Variants in C12orf42 observed in about 807,000 individuals in gnomAD.
C12orf42 encodes uncharacterized protein C12orf42.
C12orf42 carries 25 observed loss-of-function variants against 21.6 expected under a neutral mutation model. The ratio of observed to expected loss-of-function variants is 1.16; its 90% CI spans 0.84 to 1.62. The LOEUF is 1.62. C12orf42 is among the 40% of genes most tolerant of loss of function. C12orf42 has a pLI of 0.00. For missense variants in C12orf42, 483 were observed against 459.3 expected, an observed-to-expected ratio of 1.05 and a Z score of -0.47; for synonymous variants, 174 against 175.0, an observed-to-expected ratio of 0.99 and a Z score of 0.05.
chr12:103,166,989 T>C, the C12orf42 span, among the ~76,000 whole-genome samples: 1 of 152,316 alleles, frequency 6.6e-6, no homozygotes, highest in South Asian at 2.1e-4. Context: ...ATATTTCTAG[T>C]CCTAAATTAA....
At chr12:103,126,883 C>A in the C12orf42 span, among the ~76,000 whole-genome samples, 1 of 151,970 alleles carries the variant, frequency 6.6e-6, no homozygotes, top group African/African-American at 2.4e-5. Context: ...GCTAGGTGCT[C>A]AATAATGGCA....
intron 2 of C12orf42, among the ~76,000 whole-genome samples, chr12:103,405,399 A>G (rs2048345332): frequency 6.6e-6 from 1 of 152,166 alleles, no homozygotes. Context: ...TTGTTTATCT[A>G]TGTGTGTGGA....
intron 4 of C12orf42, among the ~76,000 whole-genome samples, chr12:103,294,206 C>T (rs997815274): frequency 7.2e-5 from 11 of 151,782 alleles, no homozygotes; most frequent in African/African-American, 2.7e-4. Flanking sequence ...TTGCAGAGTA[C>T]CTAGGATGGT....
At chr12:103,237,834 G>A (rs2033522279) in exon 11 of C12orf42, 1 of 152,208 alleles carries the variant, frequency 6.6e-6, no homozygotes, top group Non-Finnish European at 1.5e-5. Context: ...GCCTCTTGAG[G>A]ACCAAGGTGG....
At chr12:103,202,649 C>T in the C12orf42 span, among the ~76,000 whole-genome samples, 1 of 152,170 alleles carries the variant, frequency 6.6e-6, no homozygotes, top group Non-Finnish European at 1.5e-5. Context: ...TACCGTTTTC[C>T]TGACTCCAAT....
At chr12:103,282,677 G>A (rs2036209479) in intron 4 of C12orf42, among the ~76,000 whole-genome samples, 1 of 152,120 alleles carries the variant, frequency 6.6e-6, no homozygotes, top group African/African-American at 2.4e-5. Flanking sequence ...CTGTTATTAT[G>A]GTGATTTGTA....
the C12orf42 span, among the ~76,000 whole-genome samples, chr12:103,171,135 G>T: frequency 1.3e-5 from 2 of 151,974 alleles, no homozygotes; most frequent in Non-Finnish European, 2.9e-5. Flanking sequence ...TATTTATTGA[G>T]ATTTCTGCTA....
intron 3 of C12orf42, among the ~76,000 whole-genome samples, chr12:103,394,671 G>A (rs1367058924): frequency 3.3e-5 from 5 of 152,162 alleles, no homozygotes; most frequent in Admixed American, 3.3e-4. Context: ...ATCAATAAGG[G>A]CTCCTGAAGA....
At chr12:103,451,410 G>A (rs1435392716) in intron 2 of C12orf42, among the ~76,000 whole-genome samples, 1 of 151,602 alleles carries the variant, frequency 6.6e-6, no homozygotes, top group Non-Finnish European at 1.5e-5. Flanking sequence ...AGACAGGTCT[G>A]TCTACGTTCC....
At position 103,358,190 on chromosome 12, in the gene C12orf42, T is replaced by C. The variant is rs1442852494; in HGVS notation, c.259+10697A>G. Among the ~76,000 whole-genome samples, 3 of 152,236 alleles carry C rather than the reference T, an allele frequency of 2.0e-5. No individual in the cohort carries two copies. In the East Asian group the frequency reaches 5.8e-4, roughly 29 times the overall value. Reference sequence around the variant, plus strand: ...CCTACTTATGTAATATGTTTTAATGTTTCATTAGCCAGAACAAGTCATGTG... The same window carrying C: ...CCTACTTATGTAATATGTTTTAATGCTTCATTAGCCAGAACAAGTCATGTG... On this transcript the variant is annotated intron_variant, in intron 4 of 5. Transcript: ENST00000548883.
rs150422371 is a variant in C12orf42 at position 103,425,307 on chromosome 12, G to A, written c.79-23632C>T. ...GCCTGCCAGCTCTAAAGAGAGCAGC[G>A]GATCTCCCAGCACAGTGCTTGAGCT... On this transcript the variant is annotated intron_variant, in intron 2 of 5. Transcript: ENST00000548883. Among the ~76,000 whole-genome samples the A allele has an allele frequency of 3.6e-3, 545 of 152,284 alleles. 7 individuals are homozygous for A. Among genetic ancestry groups the A allele is most frequent in the African/African-American group, 0.012 (508 of 41,560 alleles).
At chr12:103,193,054 C>T in the C12orf42 span, among the ~76,000 whole-genome samples, 1 of 151,882 alleles carries the variant, frequency 6.6e-6, no homozygotes. Context: ...CTTTCCCAAC[C>T]AAAATGGAAT....
intron 4 of C12orf42, among the ~76,000 whole-genome samples, chr12:103,343,282 C>T (rs2042314551): frequency 6.6e-6 from 1 of 151,768 alleles, no homozygotes; most frequent in African/African-American, 2.4e-5. Flanking sequence ...CTTTTTTGCC[C>T]TGATAAAAAT....
chr12:103,113,248 T>A, the C12orf42 span, among the ~76,000 whole-genome samples: 2 of 152,176 alleles, frequency 1.3e-5, no homozygotes, highest in African/African-American at 4.8e-5. Flanking sequence ...TACTGAGATA[T>A]GAGTGGTAGT....
the C12orf42 span, among the ~76,000 whole-genome samples, chr12:103,187,058 G>C: frequency 1.3e-5 from 2 of 152,126 alleles, no homozygotes; most frequent in African/African-American, 2.4e-5. Context: ...GAAGTCTCTA[G>C]TCAGGTTTTC....
At chr12:103,372,078 C>T (rs894313972) in intron 3 of C12orf42, among the ~76,000 whole-genome samples, 3 of 152,088 alleles carry the variant, frequency 2.0e-5, no homozygotes, top group Non-Finnish European at 4.4e-5. Context: ...ACCCTGGCCT[C>T]CACTTCCTCA....
intron 2 of C12orf42, among the ~76,000 whole-genome samples, chr12:103,429,141 AT>A (rs1268433982): frequency 6.6e-6 from 1 of 152,278 alleles, no homozygotes; most frequent in Non-Finnish European, 1.5e-5. Context: ...AGAGAAAAAA[AT>A]AAAGCATATT....
the C12orf42 span, among the ~76,000 whole-genome samples, chr12:103,539,682 C>T: frequency 2.0e-5 from 3 of 151,968 alleles, no homozygotes; most frequent in Middle Eastern, 3.4e-3. Flanking sequence ...CAGGTTCAAG[C>T]GATTCTCCTG....
At chr12:103,142,789 ACT>A in the C12orf42 span, among the ~76,000 whole-genome samples, 1 of 152,198 alleles carries the variant, frequency 6.6e-6, no homozygotes, top group Admixed American at 6.5e-5. Context: ...TTTACATATA[ACT>A]CAACTTGTGC....
Sources: gnomAD v4.1 joint callset for allele counts (sites outside exome capture counted in the v4.1 genomes callset) on GRCh38, gnomAD v4.1.1 for gene constraint, MANE v1.5 for transcripts, NCBI Gene and HGNC (gene_info 2026-07-23, HGNC 2026-07-21) for gene names.